Variants in DOCK3 observed in about 807,000 individuals in gnomAD.
The protein encoded by DOCK3 is dedicator of cytokinesis 3.
DOCK3 carries 60 observed loss-of-function variants against 265.6 expected under a neutral mutation model. The ratio of observed to expected loss-of-function variants is 0.23; its 90% CI spans 0.18 to 0.28. The LOEUF is 0.28. Ranked by LOEUF, DOCK3 falls within the 10% of genes least tolerant of loss-of-function variation. DOCK3 has a pLI of 1.00. For missense variants in DOCK3, 1,981 were observed against 2,594.3 expected, an observed-to-expected ratio of 0.76 and a Z score of 5.14; for synonymous variants, 881 against 938.0, an observed-to-expected ratio of 0.94 and a Z score of 1.11.
At chr3:51,166,466 CT>C (rs2086413816) in intron 12 of DOCK3, among the ~76,000 whole-genome samples, 2 of 152,112 alleles carry the variant, frequency 1.3e-5, no homozygotes, top group African/African-American at 4.8e-5. Flanking sequence ...ATAGTGATTT[CT>C]TTTTCTTTGG....
At chr3:50,848,191 C>T (rs1234251229) in intron 3 of DOCK3, among the ~76,000 whole-genome samples, 2 of 152,082 alleles carry the variant, frequency 1.3e-5, no homozygotes, top group African/African-American at 2.4e-5. Flanking sequence ...TGGGTGTTGT[C>T]ACATCTGAGA....
At position 51,280,087 on chromosome 3, in the gene DOCK3, T is replaced by G; in HGVS notation, c.2824-19T>G. 6.2e-7 allele frequency: 1 copy of G among 1,611,020 alleles called. No homozygotes were observed. Among genetic ancestry groups the G allele is most frequent in the Non-Finnish European group, 8.5e-7 (1 of 1,178,290 alleles). ...CTTGCAATTGGCCATGCTAAGTGTT[T>G]TTTTGGGTTGGTCCCTAGGGCGAGT... is the stretch of plus-strand genomic sequence containing the variant. On this transcript the variant is annotated intron_variant, in intron 26 of 52. Coordinates refer to ENST00000266037, the MANE Select transcript of DOCK3 (RefSeq NM_004947.5).
chr3:51,133,051 C>T (rs1269857057), intron 9 of DOCK3, among the ~76,000 whole-genome samples: 1 of 152,108 alleles, frequency 6.6e-6, no homozygotes, highest in Non-Finnish European at 1.5e-5. Flanking sequence ...CCCCCAACAC[C>T]CTTGTTTACT....
chr3:51,002,871 A>G (rs981108322), intron 5 of DOCK3, among the ~76,000 whole-genome samples: 7 of 152,148 alleles, frequency 4.6e-5, no homozygotes, highest in Admixed American at 2.6e-4. Flanking sequence ...GACCCTTTCA[A>G]CCTCAAAGTA....
intron 5 of DOCK3, among the ~76,000 whole-genome samples, chr3:50,990,659 A>T (rs747935572): frequency 2.0e-5 from 3 of 152,196 alleles, no homozygotes; most frequent in Non-Finnish European, 2.9e-5. Flanking sequence ...CCCACAGTAG[A>T]TCATCCGCGG....
chr3:50,804,792 T>C lies in DOCK3; in HGVS notation c.121+26034T>C, dbSNP rs530547631. 2.0e-4 allele frequency among the ~76,000 whole-genome samples: 31 copies of C among 152,218 alleles called. 2 individuals carry two copies. In the South Asian group the frequency reaches 6.2e-3, roughly 31 times the overall value. ...GGGGAGGGGGAGGGGAGAAATTCTTTCTTCTGCTTAGTCTAGTCTGTTCTA... is the reference window on the plus strand; with the variant it reads ...GGGGAGGGGGAGGGGAGAAATTCTTCCTTCTGCTTAGTCTAGTCTGTTCTA... On this transcript the variant is annotated intron_variant, in intron 2 of 52. Coordinates refer to ENST00000266037, the MANE Select transcript of DOCK3 (RefSeq NM_004947.5).
At chr3:50,847,420 A>G (rs986818305) in intron 3 of DOCK3, among the ~76,000 whole-genome samples, 5 of 152,118 alleles carry the variant, frequency 3.3e-5, no homozygotes, top group African/African-American at 1.2e-4. Context: ...ATATGTTCTG[A>G]TTCCATTCTC....
At chr3:51,259,394 A>AT (rs574406329) in intron 22 of DOCK3, among the ~76,000 whole-genome samples, 50 of 148,990 alleles carry the variant, frequency 3.4e-4, no homozygotes, top group Non-Finnish European at 4.3e-4. Context: ...AATCTGTGGC[A>AT]TTTTTTTTTT....
chr3:51,065,383 A>G (rs769401256), intron 6 of DOCK3, among the ~76,000 whole-genome samples: 19 of 152,146 alleles, frequency 1.2e-4, no homozygotes, highest in Non-Finnish European at 2.5e-4. Flanking sequence ...AATAAATGAA[A>G]TCTATGAGCC....
intron 10 of DOCK3, among the ~76,000 whole-genome samples, chr3:51,152,064 C>G (rs2085627303): frequency 6.6e-6 from 1 of 152,164 alleles, no homozygotes; most frequent in Non-Finnish European, 1.5e-5. Flanking sequence ...TGGGGAAGTT[C>G]TCCTGGATAA....
At chr3:51,326,456 T>C (rs992611704) in intron 32 of DOCK3, among the ~76,000 whole-genome samples, 4 of 151,764 alleles carry the variant, frequency 2.6e-5, no homozygotes, top group African/African-American at 7.3e-5. Context: ...AAACTGGGTT[T>C]CTACTAAAAC....
At chr3:51,253,691 C>T (rs903529579) in intron 22 of DOCK3, among the ~76,000 whole-genome samples, 10 of 151,986 alleles carry the variant, frequency 6.6e-5, no homozygotes, top group African/African-American at 1.9e-4. Context: ...GTCTGTAGTT[C>T]GTGGGATCGA....
At chr3:51,048,720 T>TA (rs1282985605) in intron 5 of DOCK3, among the ~76,000 whole-genome samples, 2 of 152,318 alleles carry the variant, frequency 1.3e-5, no homozygotes, top group African/African-American at 2.4e-5. Context: ...ATTATTTTCT[T>TA]AAACTTACAC....
chr3:51,190,144 C>T (rs1046843790), intron 12 of DOCK3, among the ~76,000 whole-genome samples: 1 of 152,238 alleles, frequency 6.6e-6, no homozygotes, highest in African/African-American at 2.4e-5. Flanking sequence ...GGCCTGCCAT[C>T]TGGATTCTTT....
At chr3:50,707,384 CCAGGAT>C (rs2036477691) in intron 1 of DOCK3, among the ~76,000 whole-genome samples, 2 of 151,584 alleles carry the variant, frequency 1.3e-5, no homozygotes, top group African/African-American at 4.8e-5. Flanking sequence ...TTGAAGTGAG[CCAGGAT>C]TGTGCCACTG....
chr3:51,082,644 C>T (rs548459671), intron 7 of DOCK3, among the ~76,000 whole-genome samples: 115 of 152,292 alleles, frequency 7.6e-4, no homozygotes, highest in African/African-American at 2.6e-3. Flanking sequence ...TGCATTGTCC[C>T]GGGACCTGAG....
chr3:50,892,316 C>G (rs1019192691), intron 4 of DOCK3, among the ~76,000 whole-genome samples: 3 of 152,066 alleles, frequency 2.0e-5, no homozygotes, highest in Middle Eastern at 3.2e-3. Flanking sequence ...TAAGAAGTTT[C>G]AGCTCTCATC....
intron 2 of DOCK3, among the ~76,000 whole-genome samples, chr3:50,824,175 C>T (rs2044625378): frequency 6.6e-6 from 1 of 152,108 alleles, no homozygotes; most frequent in African/African-American, 2.4e-5. Flanking sequence ...TACTAGGCTA[C>T]TTTAATAAGT....
At chr3:51,290,934 C>G (rs2081720097) in intron 27 of DOCK3, among the ~76,000 whole-genome samples, 1 of 151,994 alleles carries the variant, frequency 6.6e-6, no homozygotes. Context: ...AAAAATTAGC[C>G]AGGCGTGGTG....
Sources: gnomAD v4.1 joint callset for allele counts (sites outside exome capture counted in the v4.1 genomes callset) on GRCh38, gnomAD v4.1.1 for gene constraint, MANE v1.5 for transcripts, NCBI Gene and HGNC (gene_info 2026-07-23, HGNC 2026-07-21) for gene names.